Variants in SPTAN1 observed in about 807,000 individuals in gnomAD.
SPTAN1 encodes the protein spectrin alpha, non-erythrocytic 1, also known as spectrin alpha chain, non-erythrocytic 1.
In SPTAN1, 61 loss-of-function variants were observed where a neutral mutation model predicts 331.3. That is an observed-to-expected ratio of 0.18 (90% confidence interval 0.15 to 0.23). The LOEUF (loss-of-function observed/expected upper bound fraction) is 0.23, where lower values mean the gene tolerates loss of function less well. SPTAN1 is among the 10% of genes least tolerant of loss of function. The pLI is 1.00. For synonymous variants in SPTAN1, 1,153 were observed against 1,173.9 expected (o/e 0.98, Z 0.36); for missense variants, 2,043 against 3,147.9 (o/e 0.65, Z 8.40).
intron 31 of SPTAN1, among the ~76,000 whole-genome samples, chr9:128,605,883 T>G (rs1414571191): frequency 6.6e-6 from 1 of 151,416 alleles, no homozygotes; most frequent in Non-Finnish European, 1.5e-5. Flanking sequence ...TCCCAGCTAC[T>G]CAGGAGGCTG....
chr9:128,560,245 G>A (rs2132752729), intron 1 of SPTAN1, among the ~76,000 whole-genome samples: 1 of 151,664 alleles, frequency 6.6e-6, no homozygotes, highest in Admixed American at 6.6e-5. Context: ...CGCCACACCT[G>A]GCTAATTTTT....
At chr9:128,570,632 C>G (rs946728358) in intron 3 of SPTAN1, among the ~76,000 whole-genome samples, 3 of 151,556 alleles carry the variant, frequency 2.0e-5, no homozygotes, top group Non-Finnish European at 4.4e-5. Flanking sequence ...GCCACCGTGC[C>G]CAGCCCAGAT....
chr9:128,558,097 C>A (rs1352081641), intron 1 of SPTAN1, among the ~76,000 whole-genome samples: 1 of 152,156 alleles, frequency 6.6e-6, no homozygotes, highest in East Asian at 1.9e-4. Flanking sequence ...GCCACCGCGC[C>A]CAGCTGTATA....
At chr9:128,591,369 T>A in intron 21 of SPTAN1, 108 bp from the exon 22 acceptor site, 2 of 1,485,654 alleles carry the variant, frequency 1.3e-6, no homozygotes, top group East Asian at 4.6e-5. Context: ...GCCGGCCGTT[T>A]TGGACCTCTT....
chr9:128,599,835 C>A, intron 26 of SPTAN1: 1 of 555,492 alleles, frequency 1.8e-6, no homozygotes, highest in Non-Finnish European at 3.2e-6. Context: ...TTTCTTTATT[C>A]TCTCCATTTC....
In SPTAN1 at chr9:128,581,074, A is replaced by G. The variant is rs752480020; in HGVS notation, c.1461+15A>G. On this transcript the variant is annotated intron_variant, in intron 11 of 56. Transcript: ENST00000372739. ...GCAAGCAGGAGGTAATCTGTGAGCAAAGCCTTGCCAGTGGTGGGAGAAGAA... is the reference window on the plus strand; with the variant it reads ...GCAAGCAGGAGGTAATCTGTGAGCAGAGCCTTGCCAGTGGTGGGAGAAGAA... 6.2e-7 allele frequency: 1 copy of G among 1,613,786 alleles called. No individual in the cohort carries two copies. Among genetic ancestry groups the G allele is most frequent in the Non-Finnish European group, 8.5e-7 (1 of 1,180,010 alleles).
intron 24 of SPTAN1, chr9:128,596,493 G>T (rs1854305355): frequency 1.3e-5 from 2 of 150,160 alleles, no homozygotes; most frequent in Non-Finnish European, 3.0e-5. Context: ...AGCCAGGATG[G>T]TCTTGATCTC....
chr9:128,566,589 C>A, intron 1 of SPTAN1, 149 bp from the exon 2 acceptor site: 1 of 1,195,984 alleles, frequency 8.4e-7, no homozygotes, highest in Non-Finnish European at 1.2e-6. Flanking sequence ...AGGATCTGGG[C>A]TTCATTGTTC....
Position 128,615,709 on chromosome 9 carries a change from C to T in SPTAN1, c.5226C>T (p.Asp1742=). The T allele has an allele frequency of 6.2e-7, 1 of 1,614,210 alleles. No individual in the cohort carries two copies. Residue 1742 remains aspartate, a synonymous_variant, in exon 41 of 57, where the codon GAC becomes GAT. Coordinates refer to ENST00000372739, the MANE Select transcript of SPTAN1 (RefSeq NM_001130438.3). ...SSAFDTSQVK[D]KRDTINGRFQ... ...CCTTCGACACCTCCCAAGTAAAGGACAAGAGGGACACCATCAACGGGCGCT... is the reference window on the plus strand; with the variant it reads ...CCTTCGACACCTCCCAAGTAAAGGATAAGAGGGACACCATCAACGGGCGCT...
At chr9:128,630,422 C>A (rs1260674612) in intron 52 of SPTAN1, 47 bp downstream of exon 52, 3 of 1,597,114 alleles carry the variant, frequency 1.9e-6, no homozygotes, top group Non-Finnish European at 1.7e-6. Flanking sequence ...TTCACCCAGC[C>A]ACCCCCCAGG....
intron 17 of SPTAN1, 62 bp downstream of exon 17, chr9:128,584,587 G>C (rs1852341694): frequency 1.9e-6 from 3 of 1,613,944 alleles, no homozygotes; most frequent in Non-Finnish European, 2.5e-6. Context: ...GTAGCATAAA[G>C]GGGATGCATG....
intron 40 of SPTAN1, among the ~76,000 whole-genome samples, chr9:128,613,968 G>A (rs1464582593): frequency 1.3e-5 from 2 of 150,354 alleles, no homozygotes; most frequent in East Asian, 3.9e-4. Context: ...TCGCGCCACG[G>A]CACTCCAGCC....
chr9:128,615,600 A>C, intron 40 of SPTAN1, 32 bp from the exon 41 acceptor site: 2 of 1,612,084 alleles, frequency 1.2e-6, no homozygotes, highest in Non-Finnish European at 1.7e-6. Context: ...TGGGAGACCC[A>C]GTTTCTGACC....
rs750970364 is a variant in SPTAN1 at position 128,578,239 on chromosome 9, G to A, written c.1215G>A (p.Glu405=). 7.4e-6 allele frequency: 12 copies of A among 1,614,016 alleles called. No homozygotes were observed. In the African/African-American group the frequency reaches 1.1e-4, roughly 14 times the overall value. Residue 405 remains glutamate (E), a synonymous_variant, in exon 9 of 57, where the codon GAG becomes GAA. Coordinates refer to ENST00000372739, the MANE Select transcript of SPTAN1 (RefSeq NM_001130438.3). ...GAEALLDRHQ[E]HKGEIDAHED... is the part of the protein sequence containing the mutation. The stretch of plus-strand genomic sequence containing the variant: ...AAGCCCTGCTAGATAGACACCAAGA[G>A]CACAAGGTAATGGTATCTCTAGAAT...
Position 128,575,323 on chromosome 9 carries a change from A to C in SPTAN1, c.629A>C (p.Gln210Pro). Residue 210 changes from glutamine to proline, a missense_variant, in exon 5 of 57, where the codon CAG becomes CCG. Physicochemically the swap from Gln to Pro is moderately conservative, Grantham distance 76 (BLOSUM62 -1). Around this residue, in one of 12 missense-constraint regions of SPTAN1, gnomAD observed 1,038 missense variants for 1,531.5 expected, o/e 0.68. Coordinates refer to ENST00000372739, the MANE Select transcript of SPTAN1 (RefSeq NM_001130438.3). ...AHEERVNEVN[Q>P]FAAKLIQEQH... Reference sequence around the variant, plus strand: ...GAAGAAAGAGTTAATGAAGTGAACCAGTTTGCTGCCAAACTCATACAGGTA... The same window carrying C: ...GAAGAAAGAGTTAATGAAGTGAACCCGTTTGCTGCCAAACTCATACAGGTA... The C allele has an allele frequency of 6.2e-7, 1 of 1,613,170 alleles. No homozygotes were observed. The highest frequency in any genetic ancestry group is 8.5e-7 in the Non-Finnish European group (1 of 1,180,032).
At chr9:128,620,188 A>G (rs557955177) in intron 44 of SPTAN1, among the ~76,000 whole-genome samples, 101 of 152,314 alleles carry the variant, frequency 6.6e-4, no homozygotes, top group African/African-American at 2.4e-3. Flanking sequence ...AGATGCTGCA[A>G]AGTATCATGG....
chr9:128,623,002 C>T (rs550254434), intron 45 of SPTAN1, among the ~76,000 whole-genome samples: 237 of 152,118 alleles, frequency 1.6e-3, no homozygotes, highest in Non-Finnish European at 3.0e-3. Flanking sequence ...CCGCCTGCCT[C>T]GGCCTCCCAA....
intron 43 of SPTAN1, 98 bp from the exon 44 acceptor site, chr9:128,618,773 A>G (rs1857496522): frequency 1.9e-6 from 3 of 1,592,560 alleles, no homozygotes; most frequent in South Asian, 1.1e-5. Flanking sequence ...ATGAGCCACC[A>G]TGCCCAGCTT....
chr9:128,607,518 G>A (rs1856047109), intron 31 of SPTAN1, 86 bp from the exon 32 acceptor site: 4 of 1,216,840 alleles, frequency 3.3e-6, no homozygotes, highest in Middle Eastern at 1.9e-4. Context: ...TCTGAGGCAA[G>A]AATTATGTCA....
Sources: allele counts gnomAD v4.1 joint callset (sites outside exome capture counted in the v4.1 genomes callset), GRCh38; gene constraint gnomAD v4.1.1; regional missense constraint gnomAD v4.1.1; transcripts MANE v1.5; gene names NCBI Gene and HGNC (gene_info 2026-07-23, HGNC 2026-07-21).